GAREM1: variants seen among roughly 807,000 people sequenced by gnomAD.
The protein encoded by GAREM1 is GRB2-associated and regulator of MAPK protein 1.
A neutral mutation model predicts 71.3 loss-of-function variants in GAREM1; 26 were observed. The observed-to-expected ratio is 0.36, with a 90% CI of 0.27 to 0.51. The LOEUF is 0.51. GAREM1 is among the 20% of genes least tolerant of loss of function. The pLI, the probability that GAREM1 is intolerant of heterozygous loss-of-function variation, is 0.95. For synonymous variants in GAREM1, 440 were observed against 433.2 expected, an observed-to-expected ratio of 1.02 and a Z score of -0.20; for missense variants, 1,026 against 1,103.1, an observed-to-expected ratio of 0.93 and a Z score of 0.99.
intron 2 of GAREM1, among the ~76,000 whole-genome samples, chr18:32,313,097 A>G (rs1346266238): frequency 1.3e-5 from 2 of 152,236 alleles, no homozygotes; most frequent in Non-Finnish European, 2.9e-5. Context: ...AGCCAAGGTC[A>G]GATGCACAGA....
intron 2 of GAREM1, among the ~76,000 whole-genome samples, chr18:32,334,223 A>G (rs595792): frequency 0.37 from 55,879 of 151,976 alleles, 13,727 homozygotes; most frequent in African/African-American, 0.7. Flanking sequence ...AGAAGACTTA[A>G]TCACACCCCG....
chr18:32,364,037 T>TG (rs1598991664), intron 2 of GAREM1, among the ~76,000 whole-genome samples: 4 of 96,786 alleles, frequency 4.1e-5, no homozygotes, highest in South Asian at 3.8e-4. Flanking sequence ...TGTTTTTTTT[T>TG]TTTTTTTTTT....
At chr18:32,320,126 C>T (rs592430) in intron 2 of GAREM1, among the ~76,000 whole-genome samples, 13,351 of 152,162 alleles carry the variant, frequency 0.088, 640 homozygotes, top group South Asian at 0.12. Context: ...TACAACGATG[C>T]GTTTCCTCAT....
At chr18:32,349,835 A>G (rs2047730412) in intron 2 of GAREM1, among the ~76,000 whole-genome samples, 1 of 152,212 alleles carries the variant, frequency 6.6e-6, no homozygotes, top group South Asian at 2.1e-4. Flanking sequence ...AAGTACTGAA[A>G]ACAAGGCATG....
At chr18:32,343,240 G>T (rs1195852587) in intron 2 of GAREM1, among the ~76,000 whole-genome samples, 1 of 151,708 alleles carries the variant, frequency 6.6e-6, no homozygotes, top group Admixed American at 6.6e-5. Flanking sequence ...TGGAAAGCGG[G>T]TGGAGAAAAA....
Position 32,287,798 on chromosome 18 carries a change from C to A in GAREM1, c.799G>T (p.Glu267Ter). The A allele has an allele frequency of 6.2e-7, 1 of 1,613,466 alleles. No individual in the cohort carries two copies. The highest frequency in any genetic ancestry group is 8.5e-7 in the Non-Finnish European group (1 of 1,179,966). ...RNPYDLHFIR[E>*]GHRYKFVNIQ... ...TTCACAAACTTATAGCGGTGCCCCTCACGGATGAAGTGGAGGTCGTATGGG... is the reference window on the plus strand; with the variant it reads ...TTCACAAACTTATAGCGGTGCCCCTAACGGATGAAGTGGAGGTCGTATGGG... The change falls in exon 4 of 6, where the codon GAG becomes TAG. Residue 267 changes from glutamate (E) to a stop codon, truncating the protein, a stop_gained. Transcript: ENST00000269209. LOFTEE classifies it high-confidence loss of function. The surrounding 1 kb of genome is among the most constrained non-coding windows in gnomAD (Gnocchi z 5.9).
At position 32,423,026 on chromosome 18, in the gene GAREM1, A is replaced by G. The variant is rs1599037139; in HGVS notation, c.122-29991T>C. On this transcript the variant is annotated intron_variant, in intron 1 of 5. Coordinates refer to ENST00000269209, the MANE Select transcript of GAREM1 (RefSeq NM_001242409.2). ...TCTATAAAATAAATGAGATACTCAAATTTCATATGAGCACATAAACATTGA... is the reference window on the plus strand; with the variant it reads ...TCTATAAAATAAATGAGATACTCAAGTTTCATATGAGCACATAAACATTGA... Among the ~76,000 whole-genome samples, 3 of 152,234 alleles carry G rather than the reference A, an allele frequency of 2.0e-5. No homozygotes were observed. The South Asian group carries it at 6.2e-4, about 31-fold the overall frequency.
intron 2 of GAREM1, among the ~76,000 whole-genome samples, chr18:32,382,821 T>TCG (rs2048110322): frequency 6.6e-6 from 1 of 152,094 alleles, no homozygotes; most frequent in Admixed American, 6.5e-5. Context: ...GCATAATTAC[T>TCG]CTGTGGGTCA....
chr18:32,313,757 G>A (rs971706373), intron 2 of GAREM1, among the ~76,000 whole-genome samples: 1 of 152,128 alleles, frequency 6.6e-6, no homozygotes, highest in African/African-American at 2.4e-5. Flanking sequence ...AAGGTGATGA[G>A]GAAGAATAAA....
intron 3 of GAREM1, among the ~76,000 whole-genome samples, chr18:32,307,213 T>C (rs958157750): frequency 1.2e-4 from 18 of 152,178 alleles, no homozygotes; most frequent in African/African-American, 4.3e-4. Context: ...GTATATTTAT[T>C]TCTAATAATA....
At chr18:32,395,326 C>G (rs974594596) in intron 1 of GAREM1, among the ~76,000 whole-genome samples, 2 of 152,210 alleles carry the variant, frequency 1.3e-5, no homozygotes, top group Non-Finnish European at 2.9e-5. Context: ...TAGGCGCATA[C>G]GGGTGAACAA....
In GAREM1 at chr18:32,392,908, C is replaced by T. The variant is rs750926624; in HGVS notation, c.249G>A (p.Pro83=). Residue 83 remains proline (P), a synonymous_variant, in exon 2 of 6, where the codon CCG becomes CCA. Coordinates refer to ENST00000269209, the MANE Select transcript of GAREM1 (RefSeq NM_001242409.2). ...GAGGAGTCTTACCTGCATAATGTAC[C>T]GGAATCTCTATCTTTGGCCCAATGA... ...HYVIGPKIEI[P]VHYAGQFKLL... The T allele has an allele frequency of 6.2e-6, 10 of 1,613,616 alleles. No homozygotes were observed. Among genetic ancestry groups the T allele is most frequent in the Admixed American group, 1.7e-5 (1 of 59,930 alleles).
intron 3 of GAREM1, among the ~76,000 whole-genome samples, chr18:32,301,709 C>T (rs935744979): frequency 2.6e-5 from 4 of 152,144 alleles, no homozygotes; most frequent in South Asian, 2.1e-4. Flanking sequence ...CTATAAAACC[C>T]GGGACCTTCC....
At chr18:32,385,211 T>A (rs2048134694) in intron 2 of GAREM1, among the ~76,000 whole-genome samples, 1 of 152,048 alleles carries the variant, frequency 6.6e-6, no homozygotes, top group South Asian at 2.1e-4. Context: ...TTTTTATATT[T>A]ACTTTGCTCC....
In GAREM1 at chr18:32,394,790, C is replaced by T. The variant is rs73421963; in HGVS notation, c.122-1755G>A. 1.9e-3 allele frequency among the ~76,000 whole-genome samples: 289 copies of T among 152,290 alleles called. 1 individual carries two copies. Among genetic ancestry groups the T allele is most frequent in the African/African-American group, 6.8e-3 (284 of 41,556 alleles). The stretch of plus-strand genomic sequence containing the variant: ...CACAGTAGGCAGGAATTACAAGCAC[C>T]AGGTTTAGAGTCCCATAGACCTGGT... On this transcript the variant is annotated intron_variant, in intron 1 of 5. Coordinates refer to ENST00000269209, the MANE Select transcript of GAREM1 (RefSeq NM_001242409.2).
intron 1 of GAREM1, among the ~76,000 whole-genome samples, 170 bp from the exon 2 acceptor site, chr18:32,393,205 G>T (rs1209221955): frequency 2.0e-5 from 3 of 149,818 alleles, no homozygotes; most frequent in African/African-American, 2.5e-5. Flanking sequence ...TTAAAAAAGG[G>T]TATTCCACAC....
At chr18:32,354,065 G>A (rs1444754663) in intron 2 of GAREM1, among the ~76,000 whole-genome samples, 2 of 152,128 alleles carry the variant, frequency 1.3e-5, no homozygotes, top group African/African-American at 4.8e-5. Flanking sequence ...AAATAATTTT[G>A]AAAATCTAAA....
intron 2 of GAREM1, among the ~76,000 whole-genome samples, chr18:32,358,633 A>G (rs79218254): frequency 0.039 from 6,009 of 152,280 alleles, 154 homozygotes; most frequent in Non-Finnish European, 0.058. Flanking sequence ...GAATTAACCC[A>G]TAGAAGCCAC....
intron 5 of GAREM1, 45 bp from the exon 6 acceptor site, chr18:32,268,813 C>T (rs2041415041): frequency 2.0e-6 from 3 of 1,531,542 alleles, no homozygotes; most frequent in Non-Finnish European, 8.9e-7. Context: ...AAGAAAAAAG[C>T]CAAATCCCAA....
Sources: allele counts gnomAD v4.1 joint callset (sites outside exome capture counted in the v4.1 genomes callset), GRCh38; gene constraint gnomAD v4.1.1; non-coding constraint Gnocchi (gnomAD v3.1); transcripts MANE v1.5; gene names NCBI Gene and HGNC (gene_info 2026-07-23, HGNC 2026-07-21).